MAP4K5: variants seen among roughly 807,000 people sequenced by gnomAD.
The protein encoded by MAP4K5 is mitogen-activated protein kinase kinase kinase kinase 5.
A neutral mutation model predicts 135.6 loss-of-function variants in MAP4K5; 82 were observed. That is an observed-to-expected ratio of 0.60 (90% confidence interval 0.51 to 0.73). The LOEUF is 0.73. Ranked by LOEUF, MAP4K5 falls within the 30% of genes least tolerant of loss-of-function variation. The pLI, the probability that MAP4K5 is intolerant of heterozygous loss-of-function variation, is 0.00. For synonymous variants in MAP4K5, 347 were observed against 335.0 expected (o/e 1.04, Z -0.39); for missense variants, 907 against 1,010.9 (o/e 0.90, Z 1.39).
chr14:50,551,769 T>A (rs2038705696), intron 1 of MAP4K5, among the ~76,000 whole-genome samples: 1 of 152,152 alleles, frequency 6.6e-6, no homozygotes, highest in African/African-American at 2.4e-5. Flanking sequence ...AATTATGTGA[T>A]AATCTCAGTA....
intron 2 of MAP4K5, among the ~76,000 whole-genome samples, chr14:50,510,019 A>T (rs1220183359): frequency 6.6e-6 from 1 of 152,150 alleles, no homozygotes; most frequent in Non-Finnish European, 1.5e-5. Flanking sequence ...ACAATGTTCA[A>T]CTCATATGAC....
At chr14:50,493,444 T>C (rs925783577) in intron 3 of MAP4K5, among the ~76,000 whole-genome samples, 3 of 152,196 alleles carry the variant, frequency 2.0e-5, no homozygotes, top group Admixed American at 2.0e-4. Context: ...TAATCAATAT[T>C]GTGTAAGCAT....
At chr14:50,524,113 A>G (rs1340418408) in intron 2 of MAP4K5, among the ~76,000 whole-genome samples, 2 of 152,216 alleles carry the variant, frequency 1.3e-5, no homozygotes, top group African/African-American at 2.4e-5. Flanking sequence ...GTAGAATTCC[A>G]TCTCTAAACT....
At chr14:50,506,448 T>C (rs181540771) in intron 2 of MAP4K5, among the ~76,000 whole-genome samples, 1 of 152,292 alleles carries the variant, frequency 6.6e-6, no homozygotes, top group Non-Finnish European at 1.5e-5. Context: ...AGCCTCTGCC[T>C]CCTGGGCTCA....
Position 50,520,955 on chromosome 14 carries a change from T to C in MAP4K5, c.108+10987A>G, listed in dbSNP as rs1041788057. Among the ~76,000 whole-genome samples the C allele has an allele frequency of 3.9e-5, 6 of 151,902 alleles. No homozygotes were observed. In the East Asian group the frequency reaches 1.2e-3, roughly 29 times the overall value. On this transcript the variant is annotated intron_variant, in intron 2 of 32. Transcript: ENST00000682126. ...TCCCACTTCCAGCCTCCCAAGTAGT[T>C]GGGAATACAGGCTTCCACCACCACA... is the stretch of plus-strand genomic sequence containing the variant.
intron 26 of MAP4K5, among the ~76,000 whole-genome samples, chr14:50,437,102 G>A (rs375344294): frequency 7.9e-5 from 12 of 152,170 alleles, no homozygotes; most frequent in East Asian, 7.7e-4. Context: ...GGGTGTTCTT[G>A]TGTGAACTGT....
At position 50,504,856 on chromosome 14, in the gene MAP4K5, G is replaced by T; in HGVS notation, c.110C>A (p.Ala37Asp). 6.5e-7 allele frequency: 1 copy of T among 1,529,816 alleles called. No homozygotes were observed. 94.8% of individuals were successfully genotyped at this position (1,529,816 alleles called of 1,614,324 possible). A position where few individuals can be genotyped will look rare whatever the true frequency, so the allele number is the denominator to read the frequency against. The change falls in exon 3 of 33, where the codon GCC becomes GAC. Residue 37 changes from alanine to aspartate, a missense_variant and splice_region_variant. Ala to Asp is a moderately radical substitution (Grantham distance 126). This residue lies in a region of MAP4K5 where 196 missense variants were observed against 189.3 expected (regional missense o/e 1.04). Transcript: ENST00000682126. ...CAGCTCTCCTGTGTGTACATTTCTG[G>T]CCTAAAAATAAAATAAAAACAAAAA... Reference protein sequence around the residue: ...GSGTYGDVYKARNVHTGELAA... With the variant: ...GSGTYGDVYKDRNVHTGELAA...
chr14:50,458,660 C>T (rs1392711154), intron 13 of MAP4K5, among the ~76,000 whole-genome samples: 2 of 152,070 alleles, frequency 1.3e-5, no homozygotes, highest in Non-Finnish European at 2.9e-5. Context: ...CTACTTGATC[C>T]TTAAATTTTG....
chr14:50,557,238 G>A (rs570046031), intron 1 of MAP4K5, among the ~76,000 whole-genome samples: 2 of 152,270 alleles, frequency 1.3e-5, no homozygotes, highest in African/African-American at 4.8e-5. Context: ...AAGACTCAGA[G>A]TTATATAAAA....
At chr14:50,437,846 T>C (rs2036131874) in intron 25 of MAP4K5, 48 bp downstream of exon 25, 1 of 1,172,028 alleles carries the variant, frequency 8.5e-7, no homozygotes, top group South Asian at 1.3e-5. Context: ...ATTTTTAAAA[T>C]AAACACTAAT....
chr14:50,426,273 A>G (rs1331103593), intron 30 of MAP4K5, among the ~76,000 whole-genome samples: 1 of 152,216 alleles, frequency 6.6e-6, no homozygotes, highest in Non-Finnish European at 1.5e-5. Context: ...CAAAAGATAC[A>G]GTGTATCTTT....
intron 2 of MAP4K5, among the ~76,000 whole-genome samples, chr14:50,523,515 C>T (rs1272206842): frequency 6.6e-6 from 1 of 152,126 alleles, no homozygotes; most frequent in Non-Finnish European, 1.5e-5. Context: ...ACTTGGTTAA[C>T]TCCCTAATGC....
intron 2 of MAP4K5, among the ~76,000 whole-genome samples, chr14:50,526,948 C>T (rs1232353002): frequency 1.3e-5 from 2 of 151,986 alleles, no homozygotes; most frequent in Non-Finnish European, 2.9e-5. Flanking sequence ...ATTATAACAT[C>T]ATTTATAATT....
At chr14:50,475,643 T>C (rs996048704) in intron 8 of MAP4K5, among the ~76,000 whole-genome samples, 1 of 152,124 alleles carries the variant, frequency 6.6e-6, no homozygotes, top group Non-Finnish European at 1.5e-5. Flanking sequence ...GGAGTCCAAG[T>C]ACACAGTGAG....
chr14:50,487,739 G>GAAGGTGA (rs2037396511), intron 3 of MAP4K5, among the ~76,000 whole-genome samples: 1 of 152,168 alleles, frequency 6.6e-6, no homozygotes, highest in African/African-American at 2.4e-5. Context: ...AGTAAGCCCT[G>GAAGGTGA]AAGGTGACAG....
intron 3 of MAP4K5, among the ~76,000 whole-genome samples, chr14:50,490,130 A>AGAGT (rs111758472): frequency 8.3e-6 from 1 of 121,206 alleles, no homozygotes; most frequent in African/African-American, 3.3e-5. Context: ...AGCGAGTGAG[A>AGAGT]GTGTGTGTGT....
intron 3 of MAP4K5, among the ~76,000 whole-genome samples, chr14:50,501,722 G>C (rs941401646): frequency 1.3e-5 from 2 of 152,040 alleles, no homozygotes; most frequent in Non-Finnish European, 2.9e-5. Flanking sequence ...AGGTAAAAAG[G>C]GTATCAAAGA....
At chr14:50,441,797 C>CACACAT (rs1491145074) in intron 21 of MAP4K5, among the ~76,000 whole-genome samples, 24 of 132,568 alleles carry the variant, frequency 1.8e-4, no homozygotes, top group African/African-American at 7.4e-4. Flanking sequence ...CACACACACA[C>CACACAT]ATATATATAC....
intron 1 of MAP4K5, 52 bp from the exon 2 acceptor site, chr14:50,532,210 G>A: frequency 1.7e-6 from 1 of 571,926 alleles, no homozygotes; most frequent in South Asian, 2.1e-5. Context: ...ACGACCCCCA[G>A]CGGCCCGCGC....
Sources: gnomAD v4.1 joint callset for allele counts (sites outside exome capture counted in the v4.1 genomes callset) on GRCh38, gnomAD v4.1.1 for gene constraint, gnomAD v4.1.1 regional missense constraint, MANE v1.5 for transcripts, NCBI Gene and HGNC (gene_info 2026-07-23, HGNC 2026-07-21) for gene names.